Variants in SMAD6 observed in about 807,000 individuals in gnomAD.
The protein encoded by SMAD6 is MAD homolog 6.
Under a neutral mutation model 39.4 loss-of-function variants are expected in SMAD6, and 103 were observed. That is an observed-to-expected ratio of 2.62 (90% CI 2.23 to 3.08). The LOEUF (loss-of-function observed/expected upper bound fraction) is 3.08. SMAD6 is among the 30% of genes most tolerant of loss of function. The pLI is 0.00. For missense variants in SMAD6, 1,104 were observed against 742.9 expected (o/e 1.49, Z -5.65); for synonymous variants, 445 against 353.3 (o/e 1.26, Z -2.91).
intron 3 of SMAD6, among the ~76,000 whole-genome samples, chr15:66,752,086 G>A (rs1016728137): frequency 7.8e-6 from 1 of 128,834 alleles, no homozygotes; most frequent in Non-Finnish European, 1.6e-5. Flanking sequence ...CAGCTTTTCA[G>A]TTGCTCCTCA....
chr15:66,710,080 G>A (rs1893198060), intron 1 of SMAD6, among the ~76,000 whole-genome samples: 1 of 152,240 alleles, frequency 6.6e-6, no homozygotes, highest in Admixed American at 6.5e-5. Context: ...TTGGGTGGCA[G>A]AGCAGAGTCA....
rs750590200 is a variant in SMAD6 at position 66,781,151 on chromosome 15, C to A, written c.1107C>A (p.Gly369=). ...CTCAGGGCAGCGGCTTCTGCCTGGG[C>A]CAGCTCAACCTGGAGCAGCGCAGCG... The part of the protein sequence containing the change: ...DLPQGSGFCL[G]QLNLEQRSES... Residue 369 remains glycine, a synonymous_variant, in exon 4 of 4, where the codon GGC becomes GGA. Coordinates refer to ENST00000288840, the MANE Select transcript of SMAD6 (RefSeq NM_005585.5). The A allele has an allele frequency of 1.9e-6, 3 of 1,608,190 alleles. No individual in the cohort carries two copies. In the East Asian group the frequency reaches 6.7e-5, roughly 36 times the overall value.
chr15:66,728,842 C>G (rs1893570670), intron 3 of SMAD6, among the ~76,000 whole-genome samples: 1 of 152,188 alleles, frequency 6.6e-6, no homozygotes, highest in Admixed American at 6.5e-5. Context: ...TAGTGCCCAG[C>G]TTTTGGTTTC....
chr15:66,747,735 G>C lies in SMAD6; in HGVS notation c.952+31237G>C, dbSNP rs1782624877. On this transcript the variant is annotated intron_variant, in intron 3 of 3. Transcript: ENST00000288840. This position sits in a 1 kb window ranked among gnomAD's most constrained non-coding sequence, Gnocchi z 4.5. ...GAGGTTGAACGAAACACCTGCCTTAGAATGCAGGGCCAATGCAAATGACTT... is the reference window on the plus strand; with the variant it reads ...GAGGTTGAACGAAACACCTGCCTTACAATGCAGGGCCAATGCAAATGACTT... Among the ~76,000 whole-genome samples the C allele has an allele frequency of 6.6e-6, 1 of 152,244 alleles. No individual in the cohort carries two copies. The highest frequency in any genetic ancestry group is 2.4e-5 in the African/African-American group (1 of 41,466).
At chr15:66,729,071 G>A (rs1268107693) in intron 3 of SMAD6, among the ~76,000 whole-genome samples, 2 of 152,162 alleles carry the variant, frequency 1.3e-5, no homozygotes. Flanking sequence ...TTACAGATGG[G>A]GCCCTGAGAG....
chr15:66,727,782 AC>A (rs1567099978), intron 3 of SMAD6, among the ~76,000 whole-genome samples: 1 of 152,098 alleles, frequency 6.6e-6, no homozygotes, highest in Non-Finnish European at 1.5e-5. Flanking sequence ...TTTAATGTAA[AC>A]TTTTTACCAA....
Position 66,782,150 on chromosome 15 carries a change from T to A in SMAD6, c.*615T>A. 1 of 377,886 alleles carries A rather than the reference T, an allele frequency of 2.6e-6. No homozygotes were observed. Among genetic ancestry groups the A allele is most frequent in the South Asian group, 1.5e-4 (1 of 6,844 alleles). 23.4% of individuals were successfully genotyped at this position (377,886 alleles called of 1,614,324 possible). A position where few individuals can be genotyped will look rare whatever the true frequency, so the allele number is the denominator to read the frequency against. Reference sequence around the variant, plus strand: ...AAGGGAGGAAAGTCACATTTACTCTTAAGTAAACCAGAGAAAGTTCTGTTG... The same window carrying A: ...AAGGGAGGAAAGTCACATTTACTCTAAAGTAAACCAGAGAAAGTTCTGTTG... On this transcript the variant is annotated 3_prime_UTR_variant, in exon 4 of 4. Coordinates refer to ENST00000288840, the MANE Select transcript of SMAD6 (RefSeq NM_005585.5).
At chr15:66,761,260 C>A (rs1033643412) in intron 3 of SMAD6, among the ~76,000 whole-genome samples, 3 of 152,264 alleles carry the variant, frequency 2.0e-5, no homozygotes, top group Non-Finnish European at 2.9e-5. Context: ...CTCTAGCAGC[C>A]CCGTACAATG....
At chr15:66,724,847 G>T (rs531462893) in intron 3 of SMAD6, among the ~76,000 whole-genome samples, 1 of 115,022 alleles carries the variant, frequency 8.7e-6, no homozygotes, top group Admixed American at 1.1e-4. Flanking sequence ...GCAGGGTGTC[G>T]GGTGCCTGTC....
chr15:66,711,372 C>A (rs1455246842), intron 1 of SMAD6, among the ~76,000 whole-genome samples: 1 of 152,126 alleles, frequency 6.6e-6, no homozygotes, highest in Non-Finnish European at 1.5e-5. Context: ...CCTGGGAGGT[C>A]TAGATGATTA....
At chr15:66,774,550 G>A (rs1315319800) in intron 3 of SMAD6, among the ~76,000 whole-genome samples, 1 of 152,182 alleles carries the variant, frequency 6.6e-6, no homozygotes, top group African/African-American at 2.4e-5. Flanking sequence ...GGGTGCCACC[G>A]GGAGGGAACA....
chr15:66,769,427 A>G (rs1384012828), intron 3 of SMAD6, among the ~76,000 whole-genome samples: 6 of 152,250 alleles, frequency 3.9e-5, no homozygotes, highest in Admixed American at 1.3e-4. Context: ...GCACCAGTTC[A>G]CCTCTCCATC....
intron 3 of SMAD6, among the ~76,000 whole-genome samples, chr15:66,763,703 C>T (rs1894243131): frequency 6.6e-6 from 1 of 152,200 alleles, no homozygotes; most frequent in African/African-American, 2.4e-5. Flanking sequence ...GAACCTGGGG[C>T]CCAGCTAACA....
intron 1 of SMAD6, among the ~76,000 whole-genome samples, chr15:66,709,202 T>C (rs150554192): frequency 3.9e-5 from 6 of 152,364 alleles, no homozygotes; most frequent in Non-Finnish European, 8.8e-5. Flanking sequence ...TAGCTTTCAG[T>C]CCCTGCAGTT....
At chr15:66,736,457 C>T (rs4567655) in intron 3 of SMAD6, among the ~76,000 whole-genome samples, 75,624 of 151,906 alleles carry the variant, frequency 0.5, 19,660 homozygotes, top group East Asian at 0.73. Flanking sequence ...GGGCTGACCC[C>T]GAAGCTTATG....
chr15:66,722,775 G>A (rs904062864), intron 3 of SMAD6, among the ~76,000 whole-genome samples: 1 of 152,114 alleles, frequency 6.6e-6, no homozygotes, highest in Non-Finnish European at 1.5e-5. Context: ...GTGTGAGGGG[G>A]GGTCGGCAGG....
In SMAD6 at chr15:66,781,422, G is replaced by A. The variant is rs747248996; in HGVS notation, c.1378G>A (p.Asp460Asn). The change falls in exon 4 of 4, where the codon GAC becomes AAC. Residue 460 changes from aspartate (D) to asparagine (N), a missense_variant. Coordinates refer to ENST00000288840, the MANE Select transcript of SMAD6 (RefSeq NM_005585.5). ...GCCCGACGCCGCCGACGGCCCCTAC[G>A]ACCCCAACAGCGTCCGCATCAGCTT... ...PEPDAADGPY[D>N]PNSVRISFAK... 6.2e-7 allele frequency: 1 copy of A among 1,604,652 alleles called. No individual in the cohort carries two copies. Among genetic ancestry groups the A allele is most frequent in the Admixed American group, 1.7e-5 (1 of 59,834 alleles).
chr15:66,769,701 G>A (rs1236150141), intron 3 of SMAD6, among the ~76,000 whole-genome samples: 1 of 152,130 alleles, frequency 6.6e-6, no homozygotes, highest in East Asian at 1.9e-4. Context: ...TTTATATTAG[G>A]TCCAAGAAGA....
chr15:66,743,238 G>C (rs941205443), intron 3 of SMAD6, among the ~76,000 whole-genome samples: 23 of 152,178 alleles, frequency 1.5e-4, no homozygotes, highest in African/African-American at 5.5e-4. Context: ...TTTCTAAGAA[G>C]AAGGGTGGCT....
Sources: allele counts gnomAD v4.1 joint callset (sites outside exome capture counted in the v4.1 genomes callset), GRCh38; gene constraint gnomAD v4.1.1; non-coding constraint Gnocchi (gnomAD v3.1); transcripts MANE v1.5; gene names NCBI Gene and HGNC (gene_info 2026-07-23, HGNC 2026-07-21).